SCAMP1: variants seen among roughly 807,000 people sequenced by gnomAD.
SCAMP1 encodes secretory carrier-associated membrane protein 1.
SCAMP1 carries 15 observed loss-of-function variants against 41.8 expected under a neutral mutation model. That is an observed-to-expected ratio of 0.36 (90% CI 0.24 to 0.55). The LOEUF (loss-of-function observed/expected upper bound fraction) is 0.55. Ranked by LOEUF, SCAMP1 falls within the 20% of genes least tolerant of loss-of-function variation. The pLI is 0.86. For missense variants in SCAMP1, 341 were observed against 412.6 expected (o/e 0.83, Z 1.50); for synonymous variants, 135 against 136.8 (o/e 0.99, Z 0.09).
intron 1 of SCAMP1, chr5:78,370,900 T>C (rs936858605): frequency 6.6e-6 from 1 of 152,232 alleles, no homozygotes; most frequent in African/African-American, 2.4e-5. Context: ...CTTGTGGTTT[T>C]GATTTGCAGT....
intron 8 of SCAMP1, among the ~76,000 whole-genome samples, chr5:78,460,744 CCTTCCTTCCTT>C (rs1396317827): frequency 9.4e-4 from 3 of 3,194 alleles, no homozygotes; most frequent in Non-Finnish European, 3.3e-3. Flanking sequence ...TTTCTTTTCT[CCTTCCTTCCTT>C]CCTTCCTTCC....
At chr5:78,384,990 T>C (rs764119104) in intron 1 of SCAMP1, among the ~76,000 whole-genome samples, 1 of 152,126 alleles carries the variant, frequency 6.6e-6, no homozygotes, top group Non-Finnish European at 1.5e-5. Flanking sequence ...GGGGATTCCC[T>C]CTCTGTTTTT....
In SCAMP1 at chr5:78,477,256, GT is replaced by G. The variant is rs1754027370; in HGVS notation, c.*1589del. The G allele has an allele frequency of 6.6e-6, 1 of 152,110 alleles. No individual in the cohort carries two copies. Among genetic ancestry groups the G allele is most frequent in the South Asian group, 2.1e-4 (1 of 4,828 alleles). 9.4% of individuals were successfully genotyped at this position (152,110 alleles called of 1,614,324 possible). A position where few individuals can be genotyped will look rare whatever the true frequency, so the allele number is the denominator to read the frequency against. ...TAGGTAACACAGATCCATCCAGATG[GT>G]GTTTACATTTGATTTATTTGGGATC... On this transcript the variant is annotated 3_prime_UTR_variant, in exon 9 of 9. Transcript: ENST00000621999.
chr5:78,421,975 C>G lies in SCAMP1; in HGVS notation c.632+15C>G. 6.3e-7 allele frequency: 1 copy of G among 1,590,534 alleles called. No homozygotes were observed. On this transcript the variant is annotated intron_variant, in intron 6 of 8. Coordinates refer to ENST00000621999, the MANE Select transcript of SCAMP1 (RefSeq NM_004866.6). ...GGAGCTTTCAGGTAAAATGTGTGTA[C>G]TTTAAAATACACTCTTTAAAACCTG... is the stretch of plus-strand genomic sequence containing the variant.
chr5:78,387,159 T>C (rs1751361767), intron 1 of SCAMP1, among the ~76,000 whole-genome samples: 1 of 152,100 alleles, frequency 6.6e-6, no homozygotes, highest in South Asian at 2.1e-4. Context: ...TAAAACTCTT[T>C]TTTTCTTTGT....
intron 7 of SCAMP1, among the ~76,000 whole-genome samples, chr5:78,454,352 G>A (rs7731166): frequency 0.28 from 42,255 of 151,334 alleles, 6,038 homozygotes; most frequent in East Asian, 0.53. Flanking sequence ...TTTGAAATAC[G>A]TCCCATCAAT....
At chr5:78,455,837 C>G in intron 7 of SCAMP1, among the ~76,000 whole-genome samples, 3 of 86,028 alleles carry the variant, frequency 3.5e-5, no homozygotes, top group East Asian at 6.0e-4. Context: ...TTGTAGGTCA[C>G]TCAGGACTTG....
At chr5:78,390,509 G>T (rs1433157755) in intron 2 of SCAMP1, among the ~76,000 whole-genome samples, 2 of 152,070 alleles carry the variant, frequency 1.3e-5, no homozygotes, top group African/African-American at 4.8e-5. Context: ...AGTGCAATTT[G>T]GTAGTAGTTG....
chr5:78,378,248 A>G (rs145909579), intron 1 of SCAMP1, among the ~76,000 whole-genome samples: 138 of 152,346 alleles, frequency 9.1e-4, no homozygotes, highest in African/African-American at 3.1e-3. Context: ...ATAATCATCC[A>G]TGTAGATTTT....
intron 1 of SCAMP1, among the ~76,000 whole-genome samples, chr5:78,371,113 G>T (rs1490139489): frequency 6.6e-6 from 1 of 151,792 alleles, no homozygotes; most frequent in Non-Finnish European, 1.5e-5. Flanking sequence ...CCATTTTCTG[G>T]GTTGTCTTTT....
chr5:78,373,500 C>T (rs1750994482), intron 1 of SCAMP1, among the ~76,000 whole-genome samples: 1 of 151,996 alleles, frequency 6.6e-6, no homozygotes, highest in African/African-American at 2.4e-5. Context: ...TAAAATTACA[C>T]CTCTATTTTT....
intron 8 of SCAMP1, among the ~76,000 whole-genome samples, chr5:78,460,748 CCT>C (rs1753567529): frequency 2.1e-4 from 2 of 9,514 alleles, no homozygotes; most frequent in Non-Finnish European, 2.4e-4. Flanking sequence ...TTTTCTCCTT[CCT>C]TCCTTCCTTC....
chr5:78,417,900 T>C (rs1017676346), intron 4 of SCAMP1, among the ~76,000 whole-genome samples: 7 of 152,222 alleles, frequency 4.6e-5, no homozygotes, highest in African/African-American at 1.7e-4. Context: ...CTATAAAAAT[T>C]ACCCTGGTCT....
chr5:78,448,871 ATGCCTGTAATCCCAAC>A (rs1265611383), intron 6 of SCAMP1, among the ~76,000 whole-genome samples: 1 of 152,126 alleles, frequency 6.6e-6, no homozygotes, highest in Non-Finnish European at 1.5e-5. Context: ...ATGGTGGCCC[ATGCCTGTAATCCCAAC>A]TACTCGGGAG....
intron 2 of SCAMP1, among the ~76,000 whole-genome samples, chr5:78,413,641 C>T (rs1752137277): frequency 6.6e-6 from 1 of 152,164 alleles, no homozygotes; most frequent in South Asian, 2.1e-4. Flanking sequence ...TGGTCTCGAA[C>T]TCCTGAGCTC....
chr5:78,461,040 G>C (rs887973561), intron 8 of SCAMP1, among the ~76,000 whole-genome samples: 4 of 151,986 alleles, frequency 2.6e-5, no homozygotes, highest in African/African-American at 9.7e-5. Flanking sequence ...ATGTTTAGTA[G>C]AGATGGAGTT....
chr5:78,364,040 G>C (rs1443030433), intron 1 of SCAMP1, among the ~76,000 whole-genome samples: 1 of 152,212 alleles, frequency 6.6e-6, no homozygotes, highest in African/African-American at 2.4e-5. Context: ...AATATTTTCT[G>C]TATAGTCAAC....
At chr5:78,421,377 C>T (rs1281658058) in intron 5 of SCAMP1, among the ~76,000 whole-genome samples, 1 of 152,158 alleles carries the variant, frequency 6.6e-6, no homozygotes, top group Non-Finnish European at 1.5e-5. Context: ...TATTTTTAGT[C>T]CAGTGTTTAG....
chr5:78,408,597 T>G (rs1751991951), intron 2 of SCAMP1, among the ~76,000 whole-genome samples: 1 of 152,072 alleles, frequency 6.6e-6, no homozygotes, highest in East Asian at 1.9e-4. Flanking sequence ...TTTTGGTTTT[T>G]GTTTTGTTTT....
Sources: gnomAD v4.1 joint callset for allele counts (sites outside exome capture counted in the v4.1 genomes callset) on GRCh38, gnomAD v4.1.1 for gene constraint, MANE v1.5 for transcripts, NCBI Gene and HGNC (gene_info 2026-07-23, HGNC 2026-07-21) for gene names.